The following MSI2 variants were observed in gnomAD, a reference collection of about 807,000 sequenced individuals.
MSI2 encodes RNA-binding protein Musashi homolog 2.
Under a neutral mutation model 45.6 loss-of-function variants are expected in MSI2, and 17 were observed. The ratio of observed to expected loss-of-function variants is 0.37; its 90% CI spans 0.26 to 0.56. MSI2 has a LOEUF of 0.56. Among genes scored for constraint, MSI2 ranks in the 20% least tolerant of loss-of-function variants. MSI2 has a pLI of 0.77. For missense variants in MSI2, 293 were observed against 444.2 expected, an observed-to-expected ratio of 0.66 and a Z score of 3.06; for synonymous variants, 156 against 158.2, an observed-to-expected ratio of 0.99 and a Z score of 0.11.
intron 5 of MSI2, chr17:57,263,382 T>C (rs1907497058): frequency 6.6e-6 from 1 of 152,204 alleles, no homozygotes; most frequent in Non-Finnish European, 1.5e-5. Flanking sequence ...CTTAAGCAAA[T>C]GATAGGAATT....
chr17:57,315,451 G>T (rs1006757058), intron 5 of MSI2, among the ~76,000 whole-genome samples: 3 of 152,072 alleles, frequency 2.0e-5, no homozygotes, highest in African/African-American at 7.2e-5. Context: ...TGTGTTGGGG[G>T]AGGCAGGGCA....
At chr17:57,421,843 T>G (rs1345590838) in intron 6 of MSI2, among the ~76,000 whole-genome samples, 1 of 151,956 alleles carries the variant, frequency 6.6e-6, no homozygotes, top group Non-Finnish European at 1.5e-5. Context: ...GGCAACAGAG[T>G]GAGGCTTCAT....
rs2084115448 is a variant in MSI2, at chr17:57,407,942, C to T, written c.405+6471C>T. On this transcript the variant is annotated intron_variant, in intron 6 of 13. Coordinates refer to ENST00000284073, the MANE Select transcript of MSI2 (RefSeq NM_138962.4). This position sits in a 1 kb window ranked among gnomAD's most constrained non-coding sequence, Gnocchi z 4.1. The stretch of plus-strand genomic sequence containing the variant: ...GGCCAAGCTGCTCAGTGGGAAACAG[C>T]ACAGCGAGTAGACAGGAGAATCCTG... 6.6e-6 allele frequency among the ~76,000 whole-genome samples: 1 copy of T among 152,212 alleles called. No homozygotes were observed. The highest frequency in any genetic ancestry group is 6.5e-5 in the Admixed American group (1 of 15,288).
At chr17:57,384,828 C>T (rs1047886083) in intron 5 of MSI2, among the ~76,000 whole-genome samples, 1 of 152,140 alleles carries the variant, frequency 6.6e-6, no homozygotes, top group African/African-American at 2.4e-5. Context: ...AGAGCAGATA[C>T]ACAGATTGTC....
intron 6 of MSI2, among the ~76,000 whole-genome samples, chr17:57,408,696 A>G (rs536475283): frequency 6.6e-6 from 1 of 152,142 alleles, no homozygotes; most frequent in Non-Finnish European, 1.5e-5. Context: ...TAGTAGGAGA[A>G]AATAAAGCCT....
At chr17:57,449,428 C>G (rs1347882626) in intron 6 of MSI2, 2 of 152,160 alleles carry the variant, frequency 1.3e-5, no homozygotes, top group Non-Finnish European at 2.9e-5. Context: ...AAATCTTTGA[C>G]CTTGTGGACC....
intron 5 of MSI2, among the ~76,000 whole-genome samples, chr17:57,374,028 T>TCAAATGATAAGAAATAGACTTC (rs2083457976): frequency 6.6e-6 from 1 of 152,028 alleles, no homozygotes; most frequent in Non-Finnish European, 1.5e-5. Context: ...AGTAAACAGA[T>TCAAATGATAAGAAATAGACTTC]CAAATGATAA....
At chr17:57,475,349 C>G (rs901593472) in intron 6 of MSI2, among the ~76,000 whole-genome samples, 1 of 152,068 alleles carries the variant, frequency 6.6e-6, no homozygotes, top group Non-Finnish European at 1.5e-5. Context: ...GGGTGAGTGT[C>G]CAGGTGTGCC....
chr17:57,330,466 A>G (rs1205548730), intron 5 of MSI2, among the ~76,000 whole-genome samples: 2 of 151,628 alleles, frequency 1.3e-5, no homozygotes, highest in East Asian at 3.9e-4. Flanking sequence ...TTTAGTAGAG[A>G]TGGGGTTTCG....
intron 5 of MSI2, among the ~76,000 whole-genome samples, chr17:57,313,974 C>T (rs1912630756): frequency 1.3e-5 from 2 of 152,124 alleles, no homozygotes; most frequent in Non-Finnish European, 2.9e-5. Flanking sequence ...GTACCACGGA[C>T]TAGGCGGCTT....
At chr17:57,501,621 G>A (rs2086108772) in intron 6 of MSI2, among the ~76,000 whole-genome samples, 1 of 152,202 alleles carries the variant, frequency 6.6e-6, no homozygotes, top group East Asian at 1.9e-4. Flanking sequence ...ATTCTGGCGT[G>A]CTCAGGGAAG....
chr17:57,601,720 C>T (rs1270045916), intron 8 of MSI2: 1 of 152,370 alleles, frequency 6.6e-6, no homozygotes, highest in African/African-American at 2.4e-5. Flanking sequence ...GTGCCTGGGA[C>T]GAGGGCATCT....
intron 6 of MSI2, among the ~76,000 whole-genome samples, chr17:57,500,599 C>G (rs1011103143): frequency 7.3e-5 from 11 of 151,562 alleles, no homozygotes; most frequent in African/African-American, 2.4e-4. Flanking sequence ...GTGTGTTGAC[C>G]AGGCTTTACC....
chr17:57,435,286 G>A (rs1381802426), intron 6 of MSI2, among the ~76,000 whole-genome samples: 1 of 152,074 alleles, frequency 6.6e-6, no homozygotes, highest in Non-Finnish European at 1.5e-5. Context: ...CAGTGCAAAG[G>A]CCCTGTGACG....
chr17:57,313,696 G>A (rs1439134804), intron 5 of MSI2, among the ~76,000 whole-genome samples: 1 of 152,204 alleles, frequency 6.6e-6, no homozygotes, highest in Admixed American at 6.5e-5. Flanking sequence ...GGTGAGGTCC[G>A]CTTTCAGTTC....
chr17:57,635,374 G>A (rs1314330746), intron 10 of MSI2, among the ~76,000 whole-genome samples: 2 of 152,246 alleles, frequency 1.3e-5, no homozygotes, highest in Non-Finnish European at 2.9e-5. Context: ...GAGTCTGGAG[G>A]ATTGTCCCTT....
intron 5 of MSI2, among the ~76,000 whole-genome samples, chr17:57,363,080 A>G (rs1291464194): frequency 6.6e-6 from 1 of 152,248 alleles, no homozygotes; most frequent in Non-Finnish European, 1.5e-5. Context: ...TTGCAGCATT[A>G]TTCACAATAG....
At chr17:57,572,360 A>G (rs538343177) in intron 7 of MSI2, among the ~76,000 whole-genome samples, 1 of 152,338 alleles carries the variant, frequency 6.6e-6, no homozygotes, top group South Asian at 2.1e-4. Context: ...AGGACTTGCC[A>G]TAGAAGCCTC....
At chr17:57,569,086 G>A (rs1206689255) in intron 7 of MSI2, among the ~76,000 whole-genome samples, 1 of 152,136 alleles carries the variant, frequency 6.6e-6, no homozygotes, top group African/African-American at 2.4e-5. Flanking sequence ...AGGCTAGGGT[G>A]GGGAGGTGAA....
Sources: gnomAD v4.1 joint callset for allele counts (sites outside exome capture counted in the v4.1 genomes callset) on GRCh38, gnomAD v4.1.1 for gene constraint, Gnocchi (gnomAD v3.1) non-coding constraint, MANE v1.5 for transcripts, NCBI Gene and HGNC (gene_info 2026-07-23, HGNC 2026-07-21) for gene names.